PLEKHG4B: variants seen among roughly 807,000 people sequenced by gnomAD.
The protein encoded by PLEKHG4B is pleckstrin homology domain-containing family G member 4B.
Under a neutral mutation model 121.3 loss-of-function variants are expected in PLEKHG4B, and 111 were observed. That is an observed-to-expected ratio of 0.92 (90% CI 0.78 to 1.07). The LOEUF is 1.07. PLEKHG4B is among the 50% of genes least tolerant of loss of function. The pLI, the probability that PLEKHG4B is intolerant of heterozygous loss-of-function variation, is 0.00. For missense variants in PLEKHG4B, 1,831 were observed against 1,757.8 expected (o/e 1.04, Z -0.74); for synonymous variants, 738 against 725.0 (o/e 1.02, Z -0.29).
intron 1 of PLEKHG4B, among the ~76,000 whole-genome samples, chr5:101,663 A>G (rs1193393445): frequency 7.5e-6 from 1 of 132,800 alleles, no homozygotes; most frequent in African/African-American, 3.3e-5. Flanking sequence ...AAGCTCTGGA[A>G]AAAGCCTGTA....
chr5:181,824 G>GC lies in PLEKHG4B; in HGVS notation c.4564+153dup, dbSNP rs745491968. 279 of 1,325,956 alleles carry GC rather than the reference G, an allele frequency of 2.1e-4. 1 individual carries two copies. Among genetic ancestry groups the GC allele is most frequent in the Non-Finnish European group, 2.8e-4 (272 of 966,420 alleles). The allele number at this position is 1,325,956 out of a possible 1,614,324, so 82.1% of individuals were successfully genotyped here. A position where few individuals can be genotyped will look rare whatever the true frequency, so the allele number is the denominator to read the frequency against. The stretch of plus-strand genomic sequence containing the variant: ...CAAGGACACGGGTACGGTGGCCTCG[G>GC]CCCCGCCCTCACTCATCCTGCAGAG... On this transcript the variant is annotated intron_variant, in intron 19 of 19. Transcript: ENST00000637938.
chr5:180,532 G>T (rs192194277), intron 18 of PLEKHG4B, among the ~76,000 whole-genome samples: 1 of 152,274 alleles, frequency 6.6e-6, no homozygotes, highest in East Asian at 1.9e-4. Flanking sequence ...GCCTGTGAAC[G>T]CCACATCTGC....
At chr5:180,869 G>C (rs1736910231) in intron 18 of PLEKHG4B, among the ~76,000 whole-genome samples, 1 of 152,190 alleles carries the variant, frequency 6.6e-6, no homozygotes, top group Non-Finnish European at 1.5e-5. Flanking sequence ...TATTGGTGAA[G>C]ATGATCAGTA....
intron 8 of PLEKHG4B, 80 bp from the exon 9 acceptor site, chr5:155,265 G>A: frequency 7.8e-7 from 1 of 1,284,726 alleles, no homozygotes; most frequent in South Asian, 1.2e-5. Context: ...TCTAAATGCA[G>A]AAACTGGAAC....
At chr5:176,925 T>C (rs1736776344) in intron 18 of PLEKHG4B, among the ~76,000 whole-genome samples, 1 of 152,208 alleles carries the variant, frequency 6.6e-6, no homozygotes, top group Non-Finnish European at 1.5e-5. Flanking sequence ...CAGGTACAGC[T>C]GGGTCACCTG....
chr5:125,977 T>C (rs1734601246), intron 2 of PLEKHG4B, among the ~76,000 whole-genome samples: 2 of 152,220 alleles, frequency 1.3e-5, no homozygotes, highest in Admixed American at 6.5e-5. Context: ...GACAATCTTA[T>C]TAAGGTTGTT....
Position 113,611 on chromosome 5 carries a change from G to T in PLEKHG4B, c.243+163G>T, listed in dbSNP as rs1056322783. 2.0e-5 allele frequency among the ~76,000 whole-genome samples: 3 copies of T among 152,194 alleles called. No individual in the cohort carries two copies. Among genetic ancestry groups the T allele is most frequent in the African/African-American group, 7.2e-5 (3 of 41,446 alleles). On this transcript the variant is annotated intron_variant, in intron 2 of 19. Transcript: ENST00000637938. This position sits in a 1 kb window ranked among gnomAD's most constrained non-coding sequence, Gnocchi z 5.2. Reference sequence around the variant, plus strand: ...CCCAAATGAAGGGTCAAACAAGGCTGCATGTCCCAGCAACAAGGGTTTCTC... The same window carrying T: ...CCCAAATGAAGGGTCAAACAAGGCTTCATGTCCCAGCAACAAGGGTTTCTC...
rs933551850 is a variant in PLEKHG4B at position 142,647 on chromosome 5, AAC to A, written c.1478-395_1478-394del. Among the ~76,000 whole-genome samples the A allele has an allele frequency of 9.2e-5, 14 of 151,546 alleles. No individual in the cohort carries two copies. The East Asian group carries it at 1.6e-3, about 17-fold the overall frequency. On this transcript the variant is annotated intron_variant, in intron 3 of 19. Transcript: ENST00000637938. Reference sequence around the variant, plus strand: ...ACACACACAATCACACAAACACAGTAACACACCAGTCACATGCCTCACACAAT... The same window carrying A: ...ACACACACAATCACACAAACACAGTAACACCAGTCACATGCCTCACACAAT...
rs1161831938 is a variant in PLEKHG4B, at chr5:186,505, C to G, written c.*4182C>G. 2 of 152,312 alleles carry G rather than the reference C, an allele frequency of 1.3e-5. No homozygotes were observed. Among genetic ancestry groups the G allele is most frequent in the Non-Finnish European group, 2.9e-5 (2 of 68,108 alleles). The allele number at this position is 152,312 out of a possible 1,614,324, so 9.4% of individuals were successfully genotyped here. ...CTCACCCCGCCACGTGAGGCCACTT[C>G]CGCCCAGCACTGGGGGCGCTGGGAG... is the stretch of plus-strand genomic sequence containing the variant. On this transcript the variant is annotated 3_prime_UTR_variant, in exon 20 of 20. Transcript: ENST00000637938.
rs564555124 is a variant in PLEKHG4B, at chr5:175,291, T to G, written c.4402+1193T>G. Among the ~76,000 whole-genome samples the G allele has an allele frequency of 7.9e-5, 12 of 151,746 alleles. No individual in the cohort carries two copies. The South Asian group carries it at 2.5e-3, about 32-fold the overall frequency. On this transcript the variant is annotated intron_variant, in intron 18 of 19. Transcript: ENST00000637938. ...CCTAGGATCCCTTCCCCAGGCCTCCTCCCTCAATGTCCACCCTCGTTTGCT... is the reference window on the plus strand; with the variant it reads ...CCTAGGATCCCTTCCCCAGGCCTCCGCCCTCAATGTCCACCCTCGTTTGCT...
intron 2 of PLEKHG4B, among the ~76,000 whole-genome samples, chr5:135,512 A>G (rs1734932612): frequency 6.7e-6 from 1 of 149,076 alleles, no homozygotes; most frequent in Non-Finnish European, 1.5e-5. Flanking sequence ...GAAAATCCAA[A>G]AAAATTAGCC....
chr5:152,113 G>T (rs1423619075), intron 7 of PLEKHG4B, among the ~76,000 whole-genome samples: 2 of 150,712 alleles, frequency 1.3e-5, no homozygotes, highest in Non-Finnish European at 2.9e-5. Flanking sequence ...AGCGGGCTTG[G>T]TTTTCTTCAT....
chr5:95,397 C>T (rs1222189862), intron 1 of PLEKHG4B, among the ~76,000 whole-genome samples: 1 of 152,126 alleles, frequency 6.6e-6, no homozygotes, highest in Non-Finnish European at 1.5e-5. Context: ...CTGGGTCACC[C>T]TGCCTTCATC....
intron 13 of PLEKHG4B, among the ~76,000 whole-genome samples, chr5:164,055 G>A (rs1264653239): frequency 2.0e-5 from 3 of 152,272 alleles, no homozygotes; most frequent in African/African-American, 4.8e-5. Context: ...TAGGCCGGAT[G>A]CCGTCTGAAC....
intron 1 of PLEKHG4B, among the ~76,000 whole-genome samples, chr5:98,425 CTTTTTTTTTTTTTTTTT>C (rs55733931): frequency 2.1e-5 from 1 of 46,820 alleles, no homozygotes; most frequent in East Asian, 8.4e-4. Context: ...TTTACTGTAG[CTTTTTTTTTTTTTTTTT>C]TTTTTTTTTT....
intron 11 of PLEKHG4B, among the ~76,000 whole-genome samples, chr5:161,227 G>A (rs778200935): frequency 2.0e-5 from 3 of 152,234 alleles, no homozygotes; most frequent in Non-Finnish European, 4.4e-5. Flanking sequence ...TCAGCCAGGG[G>A]CTCCCCCATC....
In PLEKHG4B at chr5:160,909, G is replaced by A. The variant is rs112196954; in HGVS notation, c.2488-874G>A. Among the ~76,000 whole-genome samples, 443 of 152,264 alleles carry A rather than the reference G, an allele frequency of 2.9e-3. 1 individual carries two copies. Among genetic ancestry groups the A allele is most frequent in the African/African-American group, 9.7e-3 (403 of 41,556 alleles). The stretch of plus-strand genomic sequence containing the variant: ...GTGCTCCTAAGAATCAAGATGCTGT[G>A]ATTTTCTTCTTGACTCTGGCTCTGT... On this transcript the variant is annotated intron_variant, in intron 11 of 19. Transcript: ENST00000637938.
intron 1 of PLEKHG4B, among the ~76,000 whole-genome samples, chr5:103,299 T>C (rs1368475079): frequency 6.6e-6 from 1 of 152,240 alleles, no homozygotes; most frequent in African/African-American, 2.4e-5. Flanking sequence ...TTCCCATCTT[T>C]GTTCCTGGGC....
At chr5:102,734 T>TAA (rs1317363488) in intron 1 of PLEKHG4B, among the ~76,000 whole-genome samples, 1 of 152,212 alleles carries the variant, frequency 6.6e-6, no homozygotes, top group Non-Finnish European at 1.5e-5. Flanking sequence ...AGTATCTCTT[T>TAA]ATAGCAGTGT....
Sources: allele counts gnomAD v4.1 joint callset (sites outside exome capture counted in the v4.1 genomes callset), GRCh38; gene constraint gnomAD v4.1.1; non-coding constraint Gnocchi (gnomAD v3.1); transcripts MANE v1.5; gene names NCBI Gene and HGNC (gene_info 2026-07-23, HGNC 2026-07-21).